Variants in DNAH9 observed in about 807,000 individuals in gnomAD.
DNAH9 encodes the protein dynein axonemal heavy chain 9, also known as DNAH9 variant protein.
DNAH9 carries 345 observed loss-of-function variants against 471.6 expected under a neutral mutation model. That is an observed-to-expected ratio of 0.73 (90% confidence interval 0.67 to 0.80). DNAH9 has a LOEUF of 0.80. Among genes scored for constraint, DNAH9 ranks in the 30% least tolerant of loss-of-function variants. The pLI, the probability that DNAH9 is intolerant of heterozygous loss-of-function variation, is 0.00. For synonymous variants in DNAH9, 2,093 were observed against 2,123.6 expected, an observed-to-expected ratio of 0.99 and a Z score of 0.40; for missense variants, 5,407 against 5,609.2, an observed-to-expected ratio of 0.96 and a Z score of 1.15.
intron 38 of DNAH9, among the ~76,000 whole-genome samples, chr17:11,779,089 T>C (rs11868198): frequency 0.24 from 35,913 of 151,864 alleles, 5,052 homozygotes; most frequent in African/African-American, 0.4. Context: ...TTCACCCTGG[T>C]GCAGCAGCTG....
intron 15 of DNAH9, among the ~76,000 whole-genome samples, chr17:11,666,135 G>A (rs1050244972): frequency 1.3e-5 from 2 of 152,156 alleles, no homozygotes; most frequent in African/African-American, 2.4e-5. Flanking sequence ...CATGGAACAC[G>A]GGCACCAAGT....
chr17:11,767,687 G>A lies in DNAH9; in HGVS notation c.7171-766G>A, dbSNP rs114468165. On this transcript the variant is annotated intron_variant, in intron 36 of 68. Transcript: ENST00000262442. ...AAGAGTTGCCAGTAGTAATGGGTAT[G>A]TTTTGGGTCTGAGTGTGTGTGTGTG... Among the ~76,000 whole-genome samples the A allele has an allele frequency of 5.4e-3, 773 of 143,158 alleles. 4 individuals carry two copies. Among genetic ancestry groups the A allele is most frequent in the African/African-American group, 0.022 (752 of 33,710 alleles). The allele number at this position is 143,158 out of a possible 152,430, so 93.9% of individuals were successfully genotyped here.
At chr17:11,791,258 T>C (rs1969054430) in intron 41 of DNAH9, among the ~76,000 whole-genome samples, 1 of 152,214 alleles carries the variant, frequency 6.6e-6, no homozygotes, top group Non-Finnish European at 1.5e-5. Context: ...TGAAGGCTTC[T>C]TTTATTGTTT....
chr17:11,794,062 T>TTTTTTTTA (rs34204064), intron 42 of DNAH9, among the ~76,000 whole-genome samples: 1 of 99,180 alleles, frequency 1.0e-5, no homozygotes, highest in African/African-American at 3.5e-5. Context: ...TTTTTTTTTT[T>TTTTTTTTA]GAGACAGAGT....
At chr17:11,694,908 CAGA>C (rs10605605) in intron 22 of DNAH9, among the ~76,000 whole-genome samples, 2 of 93,058 alleles carry the variant, frequency 2.1e-5, no homozygotes, top group African/African-American at 8.7e-5. Context: ...TTCTTTCTTT[CAGA>C]TGGATTCTTG....
chr17:11,823,096 C>A (rs1970368882), intron 48 of DNAH9, 62 bp downstream of exon 48: 4 of 1,407,334 alleles, frequency 2.8e-6, no homozygotes, highest in Non-Finnish European at 3.9e-6. Context: ...GCAGCCCTTT[C>A]CAGTGAACTG....
intron 66 of DNAH9, among the ~76,000 whole-genome samples, chr17:11,938,316 G>A (rs913859512): frequency 5.9e-5 from 9 of 151,996 alleles, no homozygotes; most frequent in East Asian, 3.9e-4. Flanking sequence ...AAAATTAGCC[G>A]GGTGTGGTGG....
rs540361980 is a variant in DNAH9, at chr17:11,746,981, C to A, written c.6400-575C>A. Among the ~76,000 whole-genome samples, 9 of 152,154 alleles carry A rather than the reference C, an allele frequency of 5.9e-5. No individual in the cohort carries two copies. In the East Asian group the frequency reaches 1.7e-3, roughly 29 times the overall value. On this transcript the variant is annotated intron_variant, in intron 31 of 68. Coordinates refer to ENST00000262442, the MANE Select transcript of DNAH9 (RefSeq NM_001372.4). ...AGAAAAAAAATCCTGAAATGACAGC[C>A]GTTAGCAGGCCTAGAAAGCAATCAA...
intron 66 of DNAH9, among the ~76,000 whole-genome samples, chr17:11,938,369 G>T (rs1974782532): frequency 6.6e-6 from 1 of 150,602 alleles, no homozygotes; most frequent in African/African-American, 2.4e-5. Context: ...TGAGGCAGGA[G>T]AATTGCTTGA....
intron 61 of DNAH9, among the ~76,000 whole-genome samples, chr17:11,910,474 G>A (rs544117224): frequency 6.6e-6 from 1 of 152,172 alleles, no homozygotes; most frequent in South Asian, 2.1e-4. Flanking sequence ...GGACACTTGG[G>A]CTATTTCATC....
Position 11,705,034 on chromosome 17 carries a change from G to A in DNAH9, c.5401G>A (p.Ala1801Thr). 6.2e-7 allele frequency: 1 copy of A among 1,614,120 alleles called. No individual in the cohort carries two copies. The highest frequency in any genetic ancestry group is 8.5e-7 in the Non-Finnish European group (1 of 1,179,958). ...AKMIAQKVDN[A>T]QAFLWLSQLR... The stretch of plus-strand genomic sequence containing the variant: ...ACCACTCTCTCTTTAGGTAGACAAT[G>A]CCCAGGCTTTCCTCTGGCTGTCTCA... Residue 1801 changes from alanine to threonine, a missense_variant, in exon 26 of 69, where the codon GCC becomes ACC. Coordinates refer to ENST00000262442, the MANE Select transcript of DNAH9 (RefSeq NM_001372.4).
chr17:11,709,034 G>A (rs977832030), intron 26 of DNAH9, among the ~76,000 whole-genome samples: 1 of 152,130 alleles, frequency 6.6e-6, no homozygotes, highest in Admixed American at 6.5e-5. Flanking sequence ...ATCATTCCAA[G>A]TGATAAAAAG....
intron 7 of DNAH9, among the ~76,000 whole-genome samples, chr17:11,631,586 A>G (rs1228926505): frequency 6.6e-6 from 1 of 151,316 alleles, no homozygotes; most frequent in Non-Finnish European, 1.5e-5. Flanking sequence ...GGTTGCAGTG[A>G]GCCAAGATTG....
intron 28 of DNAH9, 107 bp downstream of exon 28, chr17:11,728,029 C>T (rs981838284): frequency 2.8e-6 from 2 of 726,322 alleles, no homozygotes; most frequent in Non-Finnish European, 4.9e-6. Context: ...TCCCTTTTTC[C>T]CTTGTCATTT....
At chr17:11,800,107 G>A (rs142418320) in intron 43 of DNAH9, among the ~76,000 whole-genome samples, 78 of 152,148 alleles carry the variant, frequency 5.1e-4, no homozygotes, top group African/African-American at 1.8e-3. Context: ...AACTCCCAGC[G>A]CCTTATTCCC....
At chr17:11,887,050 G>A in intron 57 of DNAH9, 85 bp downstream of exon 57, 8 of 1,483,094 alleles carry the variant, frequency 5.4e-6, no homozygotes, top group East Asian at 4.8e-5. Flanking sequence ...GCTTATCCAT[G>A]TAAGATCATT....
intron 26 of DNAH9, among the ~76,000 whole-genome samples, chr17:11,715,830 C>T (rs1343242368): frequency 5.3e-5 from 8 of 152,054 alleles, no homozygotes; most frequent in Non-Finnish European, 8.8e-5. Flanking sequence ...AGGCAAGTTT[C>T]GAACTCATTT....
intron 12 of DNAH9, among the ~76,000 whole-genome samples, chr17:11,650,756 T>C (rs2073490182): frequency 6.6e-6 from 1 of 152,212 alleles, no homozygotes; most frequent in African/African-American, 2.4e-5. Context: ...GAGCCCATCA[T>C]TTCCGCAGCC....
intron 49 of DNAH9, among the ~76,000 whole-genome samples, chr17:11,843,418 G>C (rs1176141471): frequency 1.3e-5 from 2 of 152,064 alleles, no homozygotes; most frequent in Non-Finnish European, 2.9e-5. Flanking sequence ...TGTTGAAACT[G>C]TGAAGAAAAC....
Sources: gnomAD v4.1 joint callset for allele counts (sites outside exome capture counted in the v4.1 genomes callset) on GRCh38, gnomAD v4.1.1 for gene constraint, MANE v1.5 for transcripts, NCBI Gene and HGNC (gene_info 2026-07-23, HGNC 2026-07-21) for gene names.